EFCAB13: variants seen among roughly 807,000 people sequenced by gnomAD.
EFCAB13 encodes the protein EF-hand calcium-binding domain-containing protein 13.
Under a neutral mutation model 110.2 loss-of-function variants are expected in EFCAB13, and 91 were observed. The observed-to-expected ratio is 0.83, with a 90% confidence interval of 0.70 to 0.98. The LOEUF (loss-of-function observed/expected upper bound fraction) is 0.98, where lower values mean the gene tolerates loss of function less well. EFCAB13 is among the 50% of genes least tolerant of loss of function. The pLI is 0.00. For synonymous variants in EFCAB13, 323 were observed against 369.9 expected, an observed-to-expected ratio of 0.87 and a Z score of 1.45; for missense variants, 968 against 1,119.4, an observed-to-expected ratio of 0.86 and a Z score of 1.93.
At chr17:47,362,078 G>A (rs2065517061) in intron 10 of EFCAB13, among the ~76,000 whole-genome samples, 1 of 152,076 alleles carries the variant, frequency 6.6e-6, no homozygotes, top group Non-Finnish European at 1.5e-5. Context: ...TGGGCGGCAA[G>A]CCAACCAGGT....
chr17:47,419,913 C>CCCCTCTCCCTCTCCCTCT (rs59364535), intron 23 of EFCAB13, among the ~76,000 whole-genome samples: 6 of 149,390 alleles, frequency 4.0e-5, no homozygotes, highest in African/African-American at 7.4e-5. Flanking sequence ...TAAGAAATGT[C>CCCCTCTCCCTCTCCCTCT]CCCTCTCCCT....
chr17:47,395,030 C>G (rs72829614), intron 16 of EFCAB13, among the ~76,000 whole-genome samples: 7,589 of 152,142 alleles, frequency 0.05, 250 homozygotes, highest in East Asian at 0.11. Flanking sequence ...TATCCCTTTA[C>G]CCCTCCGCTT....
At chr17:47,328,101 T>C (rs1213969127) in intron 3 of EFCAB13, 168 bp from the exon 4 acceptor site, 3 of 496,402 alleles carry the variant, frequency 6.0e-6, no homozygotes, top group Non-Finnish European at 1.1e-5. Context: ...TGATTTATAG[T>C]CTACTAACTG....
chr17:47,347,613 G>A (rs540340493), intron 8 of EFCAB13, among the ~76,000 whole-genome samples, 195 bp from the exon 9 acceptor site: 3 of 152,142 alleles, frequency 2.0e-5, no homozygotes, highest in South Asian at 2.1e-4. Context: ...GTTTCTGAAA[G>A]TTCTTTAGGA....
At chr17:47,394,376 T>C (rs550487648) in intron 16 of EFCAB13, among the ~76,000 whole-genome samples, 1 of 152,274 alleles carries the variant, frequency 6.6e-6, no homozygotes, top group Admixed American at 6.5e-5. Context: ...ATAGCATTCG[T>C]TTTGGGGAAA....
intron 5 of EFCAB13, among the ~76,000 whole-genome samples, chr17:47,336,696 C>T (rs1340851313): frequency 1.3e-5 from 2 of 151,472 alleles, no homozygotes; most frequent in African/African-American, 2.4e-5. Flanking sequence ...GCCTGAGCCT[C>T]CCAAAGTGCT....
rs1905307744 is a variant in EFCAB13, at chr17:47,440,841, T to C, written c.*127T>C. 2.7e-6 allele frequency: 2 copies of C among 742,418 alleles called. No individual in the cohort carries two copies. Among genetic ancestry groups the C allele is most frequent in the Non-Finnish European group, 4.1e-6 (2 of 484,814 alleles). 46.0% of individuals were successfully genotyped at this position (742,418 alleles called of 1,614,324 possible). On this transcript the variant is annotated 3_prime_UTR_variant, in exon 25 of 25. Transcript: ENST00000331493. ...ACAAATCCAGTAGAATTTTTATCAC[T>C]ATCTGTTATGTTCTCATGTATCTTC...
intron 24 of EFCAB13, among the ~76,000 whole-genome samples, chr17:47,436,497 G>A (rs1235204809): frequency 6.6e-6 from 1 of 152,058 alleles, no homozygotes; most frequent in African/African-American, 2.4e-5. Flanking sequence ...ATTTAAGCTA[G>A]GAGAGTTGTA....
intron 14 of EFCAB13, 82 bp from the exon 15 acceptor site, chr17:47,391,355 T>G: frequency 9.2e-7 from 1 of 1,085,514 alleles, no homozygotes; most frequent in Non-Finnish European, 1.3e-6. Context: ...TAATTTAGTG[T>G]TAGAACTAAA....
chr17:47,432,936 T>C (rs1311841346), intron 24 of EFCAB13, among the ~76,000 whole-genome samples: 1 of 152,220 alleles, frequency 6.6e-6, no homozygotes, highest in African/African-American at 2.4e-5. Flanking sequence ...TACATAGCCA[T>C]GTAACATTTA....
intron 9 of EFCAB13, among the ~76,000 whole-genome samples, chr17:47,350,645 CT>C (rs1218383363): frequency 6.6e-6 from 1 of 151,832 alleles, no homozygotes; most frequent in Non-Finnish European, 1.5e-5. Context: ...CTTCTTCATC[CT>C]TAACAGTACT....
intron 9 of EFCAB13, among the ~76,000 whole-genome samples, chr17:47,349,867 C>T (rs537798357): frequency 1.3e-4 from 19 of 148,950 alleles, no homozygotes; most frequent in South Asian, 1.3e-3. Flanking sequence ...CTCCGCTTCC[C>T]GGGTTCACGC....
At chr17:47,435,284 CACA>C (rs749179609) in intron 24 of EFCAB13, among the ~76,000 whole-genome samples, 27 of 152,088 alleles carry the variant, frequency 1.8e-4, no homozygotes, top group Middle Eastern at 6.8e-3. Flanking sequence ...GAAAAAAATG[CACA>C]ACATCACTAT....
At position 47,377,864 on chromosome 17, in the gene EFCAB13, G is replaced by A. The variant is rs747166897; in HGVS notation, c.1471G>A (p.Glu491Lys). ...TTCAACAGGAATTAATTTATTAGAT[G>A]AAGAATTCCAGAAGATTGTGACAGA... ...LPSTGINLLD[E>K]EFQKIVTDTS... The change falls in exon 13 of 25, where the codon GAA becomes AAA. Residue 491 changes from glutamate to lysine, a missense_variant. Coordinates refer to ENST00000331493, the MANE Select transcript of EFCAB13 (RefSeq NM_152347.5). 8.1e-6 allele frequency: 13 copies of A among 1,596,102 alleles called. No homozygotes were observed. Among genetic ancestry groups the A allele is most frequent in the Admixed American group, 1.8e-5 (1 of 54,070 alleles).
chr17:47,420,784 C>T (rs1292667310), intron 23 of EFCAB13, among the ~76,000 whole-genome samples: 17 of 151,976 alleles, frequency 1.1e-4, no homozygotes, highest in Admixed American at 8.5e-4. Context: ...GGAGCGTCTC[C>T]GCCTGGCAGC....
At chr17:47,404,083 G>T in intron 19 of EFCAB13, 62 bp downstream of exon 19, 1 of 1,288,582 alleles carries the variant, frequency 7.8e-7, no homozygotes. Context: ...GATGTGCAAG[G>T]TCTATAGGTA....
chr17:47,384,225 G>A (rs1434849314), intron 14 of EFCAB13, among the ~76,000 whole-genome samples: 2 of 147,484 alleles, frequency 1.4e-5, no homozygotes, highest in Non-Finnish European at 3.0e-5. Context: ...GAGCCTATGT[G>A]TGTCTTTGCA....
In EFCAB13 at chr17:47,345,113, T is replaced by A. The variant is rs2065407999; in HGVS notation, c.517+15T>A. On this transcript the variant is annotated intron_variant, in intron 8 of 24. Transcript: ENST00000331493. Reference sequence around the variant, plus strand: ...AGAATTAAGTGGTAATAAGAGGTTCTAAAATTTCTTGAATACATTTCCTGG... The same window carrying A: ...AGAATTAAGTGGTAATAAGAGGTTCAAAAATTTCTTGAATACATTTCCTGG... 1.9e-6 allele frequency: 3 copies of A among 1,557,336 alleles called. No homozygotes were observed. The highest frequency in any genetic ancestry group is 3.8e-5 in the Admixed American group (2 of 52,610).
intron 9 of EFCAB13, among the ~76,000 whole-genome samples, chr17:47,357,204 C>G (rs2065485842): frequency 1.3e-5 from 2 of 152,230 alleles, no homozygotes; most frequent in Non-Finnish European, 2.9e-5. Context: ...GCCTGTCCCA[C>G]AGAGCCTGCA....
Sources: allele counts gnomAD v4.1 joint callset (sites outside exome capture counted in the v4.1 genomes callset), GRCh38; gene constraint gnomAD v4.1.1; transcripts MANE v1.5; gene names NCBI Gene and HGNC (gene_info 2026-07-23, HGNC 2026-07-21).